AFF3: variants seen among roughly 807,000 people sequenced by gnomAD.
AFF3 encodes the protein ALF transcription elongation factor 3.
Under a neutral mutation model 129.7 loss-of-function variants are expected in AFF3, and 32 were observed. The ratio of observed to expected loss-of-function variants is 0.25; its 90% CI spans 0.19 to 0.33. The LOEUF (loss-of-function observed/expected upper bound fraction) is 0.33. Ranked by LOEUF, AFF3 falls within the 10% of genes least tolerant of loss-of-function variation. The probability of loss-of-function intolerance (pLI) is 1.00; values close to 1 mark genes in which losing one functional copy is unlikely to be tolerated. For synonymous variants in AFF3, 644 were observed against 635.4 expected, an observed-to-expected ratio of 1.01 and a Z score of -0.20; for missense variants, 1,373 against 1,592.0, an observed-to-expected ratio of 0.86 and a Z score of 2.34.
chr2:99,831,102 C>T (rs918733067), intron 8 of AFF3, among the ~76,000 whole-genome samples: 8 of 152,218 alleles, frequency 5.3e-5, no homozygotes, highest in Non-Finnish European at 1.0e-4. Flanking sequence ...AGAGAAAACC[C>T]GCACAGACTT....
intron 4 of AFF3, among the ~76,000 whole-genome samples, chr2:100,064,176 TAAAGA>T (rs1291734210): frequency 2.6e-5 from 4 of 151,604 alleles, no homozygotes; most frequent in African/African-American, 9.7e-5. Flanking sequence ...ACAACAATGA[TAAAGA>T]AAAGAGATGT....
At chr2:99,809,220 A>G (rs989867587) in intron 8 of AFF3, among the ~76,000 whole-genome samples, 1 of 152,270 alleles carries the variant, frequency 6.6e-6, no homozygotes. Context: ...ATACTTGGAC[A>G]TGGGAGTGAA....
rs1276970618 is a variant in AFF3 at position 99,850,749 on chromosome 2, G to C, written c.874-13225C>G. Among the ~76,000 whole-genome samples the C allele has an allele frequency of 1.3e-5, 2 of 152,292 alleles. 1 individual carries two copies. The highest frequency in any genetic ancestry group is 3.9e-4 in the East Asian group (2 of 5,188). On this transcript the variant is annotated intron_variant, in intron 7 of 24. Transcript: ENST00000672756. ...CTGTATTTTCTGGGTTAGTGTAGTAGTAAGTCTATGACTTCTTTGTTAAGA... is the reference window on the plus strand; with the variant it reads ...CTGTATTTTCTGGGTTAGTGTAGTACTAAGTCTATGACTTCTTTGTTAAGA...
intron 7 of AFF3, among the ~76,000 whole-genome samples, chr2:99,846,021 A>G (rs572076004): frequency 6.6e-6 from 1 of 151,236 alleles, no homozygotes; most frequent in Admixed American, 6.6e-5. Flanking sequence ...TTTAGTAGAG[A>G]CGGGGTTTCA....
rs1559491220 is a variant in AFF3 at position 99,572,306 on chromosome 2, CA to C, written c.2919-3392del. Among the ~76,000 whole-genome samples, 353 of 128,190 alleles carry C rather than the reference CA, an allele frequency of 2.8e-3. 6 individuals are homozygous for C. The highest frequency in any genetic ancestry group is 0.011 in the African/African-American group (336 of 31,852). The allele number at this position is 128,190 out of a possible 152,430, so 84.1% of individuals were successfully genotyped here. A position where few individuals can be genotyped will look rare whatever the true frequency, so the allele number is the denominator to read the frequency against. On this transcript the variant is annotated intron_variant, in intron 18 of 24. Coordinates refer to ENST00000672756, the MANE Select transcript of AFF3 (RefSeq NM_001386135.1). ...CCCCCTCCCACCACCCCCCCCCCCCCACCTAGAAACACACGGTCTTGGTTCT... is the reference window on the plus strand; with the variant it reads ...CCCCCTCCCACCACCCCCCCCCCCCCCCTAGAAACACACGGTCTTGGTTCT...
chr2:99,957,247 A>G (rs1188625433), intron 7 of AFF3, among the ~76,000 whole-genome samples: 1 of 152,158 alleles, frequency 6.6e-6, no homozygotes, highest in East Asian at 1.9e-4. Flanking sequence ...ATTCAATTCA[A>G]CATAGACCCC....
intron 7 of AFF3, among the ~76,000 whole-genome samples, chr2:99,967,718 G>A (rs1294750602): frequency 3.9e-5 from 6 of 152,174 alleles, no homozygotes; most frequent in Non-Finnish European, 7.3e-5. Flanking sequence ...AGCCATTTCA[G>A]GCACCTCACC....
intron 11 of AFF3, among the ~76,000 whole-genome samples, chr2:99,683,263 A>G (rs1485229562): frequency 6.6e-6 from 1 of 152,106 alleles, no homozygotes; most frequent in Admixed American, 6.6e-5. Flanking sequence ...CTGTTTCCTC[A>G]TCTGTAAAAT....
intron 9 of AFF3, among the ~76,000 whole-genome samples, chr2:99,744,907 C>A (rs1318017016): frequency 6.6e-6 from 1 of 152,112 alleles, no homozygotes; most frequent in East Asian, 1.9e-4. Flanking sequence ...TACTTAGGAG[C>A]AGAATTTCTG....
At chr2:100,016,372 ATGGTGG>A (rs981249460) in intron 4 of AFF3, among the ~76,000 whole-genome samples, 31 of 144,652 alleles carry the variant, frequency 2.1e-4, no homozygotes, top group African/African-American at 2.1e-4. Flanking sequence ...AGTGATGGTG[ATGGTGG>A]TGGTTGTGAT....
intron 7 of AFF3, among the ~76,000 whole-genome samples, chr2:99,956,479 T>A (rs938067131): frequency 2.6e-5 from 4 of 152,184 alleles, no homozygotes; most frequent in African/African-American, 4.8e-5. Context: ...AACTTAAGCA[T>A]AAGCTGACTG....
intron 7 of AFF3, among the ~76,000 whole-genome samples, chr2:99,866,343 C>T (rs1465665557): frequency 6.6e-6 from 1 of 152,162 alleles, no homozygotes; most frequent in African/African-American, 2.4e-5. Flanking sequence ...CCCATAGACT[C>T]TCCAGGAGAC....
intron 18 of AFF3, among the ~76,000 whole-genome samples, chr2:99,572,851 T>TC (rs1420218364): frequency 1.3e-5 from 2 of 152,184 alleles, no homozygotes; most frequent in Non-Finnish European, 2.9e-5. Context: ...TCCCCACAGA[T>TC]CCAGGTAGAT....
At chr2:99,642,135 A>T (rs1208484107) in intron 13 of AFF3, among the ~76,000 whole-genome samples, 1 of 152,252 alleles carries the variant, frequency 6.6e-6, no homozygotes, top group Admixed American at 6.5e-5. Flanking sequence ...AAGCACAAAA[A>T]TGAGGGGGCA....
intron 7 of AFF3, among the ~76,000 whole-genome samples, chr2:99,920,148 A>T (rs1695755181): frequency 6.6e-6 from 1 of 152,060 alleles, no homozygotes; most frequent in Non-Finnish European, 1.5e-5. Context: ...GAATAAAGAA[A>T]ATAATACCAA....
At chr2:99,807,111 C>G (rs1279004916) in intron 8 of AFF3, among the ~76,000 whole-genome samples, 1 of 152,176 alleles carries the variant, frequency 6.6e-6, no homozygotes, top group East Asian at 1.9e-4. Context: ...CATTCATCAA[C>G]AGATACCGAG....
chr2:99,582,537 GTCTTT>G (rs1383063182), intron 17 of AFF3, among the ~76,000 whole-genome samples: 1 of 152,204 alleles, frequency 6.6e-6, no homozygotes, highest in East Asian at 1.9e-4. Flanking sequence ...TTACTTTGAG[GTCTTT>G]TCTTTTCAGA....
chr2:100,057,320 C>CAAAAAAAA (rs57672976), intron 4 of AFF3, among the ~76,000 whole-genome samples: 1 of 55,056 alleles, frequency 1.8e-5, no homozygotes, highest in African/African-American at 7.1e-5. Context: ...GACTCTGTCT[C>CAAAAAAAA]AAAAAAAAAA....
intron 7 of AFF3, among the ~76,000 whole-genome samples, chr2:99,927,137 A>C (rs1696309086): frequency 6.6e-6 from 1 of 152,218 alleles, no homozygotes; most frequent in South Asian, 2.1e-4. Context: ...CCCTACTTGC[A>C]CAAGCCAAAG....
Sources: gnomAD v4.1 joint callset for allele counts (sites outside exome capture counted in the v4.1 genomes callset) on GRCh38, gnomAD v4.1.1 for gene constraint, MANE v1.5 for transcripts, NCBI Gene and HGNC (gene_info 2026-07-23, HGNC 2026-07-21) for gene names.